ANKRD31: variants seen among roughly 807,000 people sequenced by gnomAD.
ANKRD31 encodes ankyrin repeat domain-containing protein 31.
In ANKRD31, 147 loss-of-function variants were observed where a neutral mutation model predicts 186.0. The ratio of observed to expected loss-of-function variants is 0.79; its 90% CI spans 0.69 to 0.91. The LOEUF (loss-of-function observed/expected upper bound fraction) is 0.91. Among genes scored for constraint, ANKRD31 ranks in the 40% least tolerant of loss-of-function variants. The pLI is 0.00. For synonymous variants in ANKRD31, 673 were observed against 736.4 expected (o/e 0.91, Z 1.39); for missense variants, 1,986 against 2,148.8 (o/e 0.92, Z 1.50).
chr5:75,189,902 G>A (rs1331138628), intron 9 of ANKRD31, among the ~76,000 whole-genome samples: 3 of 151,970 alleles, frequency 2.0e-5, no homozygotes, highest in Non-Finnish European at 4.4e-5. Flanking sequence ...TACAGCGATT[G>A]GTCTTCAAGT....
chr5:75,181,305 A>G (rs1274338443), intron 10 of ANKRD31, among the ~76,000 whole-genome samples: 1 of 152,142 alleles, frequency 6.6e-6, no homozygotes, highest in Non-Finnish European at 1.5e-5. Context: ...AACTAGTTCA[A>G]CCATTGTGGA....
At chr5:75,098,577 T>A (rs1348906356) in intron 22 of ANKRD31, among the ~76,000 whole-genome samples, 1 of 152,202 alleles carries the variant, frequency 6.6e-6, no homozygotes, top group Non-Finnish European at 1.5e-5. Context: ...GGAATGTTCT[T>A]CCATTTGTTT....
intron 12 of ANKRD31, among the ~76,000 whole-genome samples, chr5:75,153,820 T>C (rs1411820283): frequency 6.6e-6 from 1 of 152,114 alleles, no homozygotes; most frequent in African/African-American, 2.4e-5. Context: ...AGGGAAAAAG[T>C]ATAGCCATAA....
At chr5:75,091,012 G>T (rs1008215106) in intron 23 of ANKRD31, among the ~76,000 whole-genome samples, 1 of 152,164 alleles carries the variant, frequency 6.6e-6, no homozygotes, top group African/African-American at 2.4e-5. Flanking sequence ...AGTAAGAAAC[G>T]GAAGGTGCAG....
chr5:75,173,036 A>G (rs1753473026), intron 10 of ANKRD31, among the ~76,000 whole-genome samples: 2 of 152,164 alleles, frequency 1.3e-5, no homozygotes, highest in African/African-American at 2.4e-5. Flanking sequence ...AAGCTTATCC[A>G]CCATGATCAA....
At chr5:75,169,315 C>A in intron 10 of ANKRD31, 194 bp from the exon 11 acceptor site, 1 of 641,872 alleles carries the variant, frequency 1.6e-6, no homozygotes, top group Non-Finnish European at 2.5e-6. Flanking sequence ...AAATCAAACT[C>A]CTACCCCTCA....
In ANKRD31 at chr5:75,195,918, T is replaced by C. The variant is rs1218945266; in HGVS notation, c.730A>G (p.Ser244Gly). ...ATCAATTCTTTACGATCAAAATCACTTACTAATTCAAACAATCTTTCCTCC... is the reference window on the plus strand; with the variant it reads ...ATCAATTCTTTACGATCAAAATCACCTACTAATTCAAACAATCTTTCCTCC... ...TQEERLFELV[S>G]DFDRKELMNP... Residue 244 changes from serine to glycine, a missense_variant, in exon 7 of 26, where the codon AGT (serine) becomes GGT (glycine). Ser to Gly is a moderately conservative substitution (Grantham distance 56). Coordinates refer to ENST00000506364, the MANE Select transcript of ANKRD31 (RefSeq NM_001372053.1). 1 of 1,535,992 alleles carries C rather than the reference T, an allele frequency of 6.5e-7. No homozygotes were observed.
At chr5:75,211,329 T>C (rs1756632223) in intron 3 of ANKRD31, among the ~76,000 whole-genome samples, 2 of 152,250 alleles carry the variant, frequency 1.3e-5, no homozygotes, top group African/African-American at 4.8e-5. Flanking sequence ...TTTTCTTCCA[T>C]TTTAAGACTG....
At chr5:75,130,593 C>A (rs1377078469) in intron 17 of ANKRD31, among the ~76,000 whole-genome samples, 1 of 152,132 alleles carries the variant, frequency 6.6e-6, no homozygotes, top group Non-Finnish European at 1.5e-5. Context: ...CATTTACAAT[C>A]CTTTAGCTAG....
At chr5:75,197,373 T>C (rs866913698) in intron 6 of ANKRD31, among the ~76,000 whole-genome samples, 4 of 152,218 alleles carry the variant, frequency 2.6e-5, no homozygotes, top group Non-Finnish European at 5.9e-5. Context: ...TCAATGACTT[T>C]GGTTTTTTCC....
intron 4 of ANKRD31, among the ~76,000 whole-genome samples, chr5:75,210,489 T>C (rs1756551689): frequency 6.6e-6 from 1 of 152,112 alleles, no homozygotes; most frequent in Non-Finnish European, 1.5e-5. Context: ...TCTTAAGGTA[T>C]AATAAGTTTA....
intron 1 of ANKRD31, among the ~76,000 whole-genome samples, chr5:75,235,200 T>A (rs1470500897): frequency 3.3e-5 from 5 of 151,718 alleles, no homozygotes; most frequent in African/African-American, 1.2e-4. Context: ...GATATAAACT[T>A]TGGAATCAGT....
intron 4 of ANKRD31, among the ~76,000 whole-genome samples, chr5:75,208,745 A>C (rs1756416352): frequency 6.6e-6 from 1 of 152,108 alleles, no homozygotes. Flanking sequence ...TCTTCCCATC[A>C]ATTCCCCAAA....
intron 2 of ANKRD31, among the ~76,000 whole-genome samples, chr5:75,227,988 C>T (rs923884082): frequency 1.3e-5 from 2 of 152,186 alleles, no homozygotes; most frequent in African/African-American, 4.8e-5. Context: ...AACCATACCC[C>T]CAACCGCCAT....
At chr5:75,147,555 T>C (rs1220856093) in intron 13 of ANKRD31, 50 bp from the exon 14 acceptor site, 2 of 1,143,220 alleles carry the variant, frequency 1.7e-6, no homozygotes, top group Non-Finnish European at 2.4e-6. Flanking sequence ...GGTAGTACTA[T>C]ATCAATTCAA....
Position 75,105,112 on chromosome 5 carries a change from T to C in ANKRD31, c.4447A>G (p.Ser1483Gly). 6.5e-7 allele frequency: 1 copy of C among 1,537,124 alleles called. No homozygotes were observed. The highest frequency in any genetic ancestry group is 1.2e-5 in the South Asian group (1 of 84,044). Reference sequence around the variant, plus strand: ...TTCCTACAGTTTTGAATTTTCAGGCTTATTTTTTTCTGTTTTTTTGCCACA... The same window carrying C: ...TTCCTACAGTTTTGAATTTTCAGGCCTATTTTTTTCTGTTTTTTTGCCACA... Reference protein sequence around the residue: ...LVVAKKQKKISLKIQNCRNVT... With the variant: ...LVVAKKQKKIGLKIQNCRNVT... The change falls in exon 22 of 26, where the codon AGC becomes GGC. Residue 1483 changes from serine (S) to glycine (G), a missense_variant. Coordinates refer to ENST00000506364, the MANE Select transcript of ANKRD31 (RefSeq NM_001372053.1).
At chr5:75,189,230 C>T (rs754867789) in intron 9 of ANKRD31, among the ~76,000 whole-genome samples, 1 of 152,130 alleles carries the variant, frequency 6.6e-6, no homozygotes, top group Admixed American at 6.6e-5. Flanking sequence ...GCCAGAAATG[C>T]ACGATTAAAA....
intron 3 of ANKRD31, among the ~76,000 whole-genome samples, chr5:75,218,046 G>C (rs1757068757): frequency 6.6e-6 from 1 of 152,104 alleles, no homozygotes; most frequent in African/African-American, 2.4e-5. Context: ...GGAGAAGCAA[G>C]AGTAAAGCAA....
At chr5:75,072,212 T>C (rs1744292035) in intron 25 of ANKRD31, among the ~76,000 whole-genome samples, 1 of 152,240 alleles carries the variant, frequency 6.6e-6, no homozygotes, top group African/African-American at 2.4e-5. Flanking sequence ...AGGCAATGTG[T>C]CACACAGAAA....
Sources: gnomAD v4.1 joint callset for allele counts (sites outside exome capture counted in the v4.1 genomes callset) on GRCh38, gnomAD v4.1.1 for gene constraint, MANE v1.5 for transcripts, NCBI Gene and HGNC (gene_info 2026-07-23, HGNC 2026-07-21) for gene names.